Variants in TAAR6 observed in about 807,000 individuals in gnomAD.
TAAR6 encodes the protein trace amine-associated receptor 6.
In TAAR6, 15 loss-of-function variants were observed where a neutral mutation model predicts 18.4. That is an observed-to-expected ratio of 0.82 (90% confidence interval 0.55 to 1.26). The LOEUF is 1.26. Among genes scored for constraint, TAAR6 ranks in the 50% most tolerant of loss-of-function variants. The pLI, the probability that TAAR6 is intolerant of heterozygous loss-of-function variation, is 0.00. For missense variants in TAAR6, 501 were observed against 415.9 expected (o/e 1.20, Z -1.78); for synonymous variants, 192 against 162.4 (o/e 1.18, Z -1.39).
chr6:132,570,772 A>G lies in TAAR6; in HGVS notation c.451A>G (p.Ile151Val). 1 of 1,614,014 alleles carries G rather than the reference A, an allele frequency of 6.2e-7. No homozygotes were observed. Among genetic ancestry groups the G allele is most frequent in the Non-Finnish European group, 8.5e-7 (1 of 1,179,968 alleles). ...PTKFTVSVSGICISVSWILPL... is the reference protein window; with the variant it reads ...PTKFTVSVSGVCISVSWILPL... ...CAAGTTCACCGTATCTGTGTCAGGA[A>G]TTTGCATCAGCGTGTCCTGGATCCT... The change falls in exon 1 of 1, where the codon ATT becomes GTT. Residue 151 changes from isoleucine (I) to valine (V), a missense_variant. Transcript: ENST00000275198.
In TAAR6 at chr6:132,570,579, G is replaced by A. The variant is rs754337692; in HGVS notation, c.258G>A (p.Met86Ile). 5.6e-6 allele frequency: 9 copies of A among 1,614,000 alleles called. No homozygotes were observed. The highest frequency in any genetic ancestry group is 1.1e-5 in the South Asian group (1 of 91,068). Residue 86 changes from methionine (M) to isoleucine (I), a missense_variant, in exon 1 of 1, where the codon ATG becomes ATA. Physicochemically the swap from Met to Ile is conservative, Grantham distance 10. Coordinates refer to ENST00000275198, the MANE Select transcript of TAAR6 (RefSeq NM_175067.1). ...CADFLVGVTVMPFSMVRTVES... is the reference protein window; with the variant it reads ...CADFLVGVTVIPFSMVRTVES... ...ATTTCTTGGTGGGTGTGACTGTGAT[G>A]CCCTTCAGCATGGTCAGGACGGTGG...
rs368515342 is a variant in TAAR6 at position 132,570,524 on chromosome 6, A to G, written c.203A>G (p.Asn68Ser). Residue 68 changes from asparagine (N) to serine (S), a missense_variant, in exon 1 of 1, where the codon AAT (asparagine) becomes AGT (serine). By Grantham distance (46) the Asn-to-Ser change is conservative (BLOSUM62 1). Coordinates refer to ENST00000275198, the MANE Select transcript of TAAR6 (RefSeq NM_175067.1). Reference protein sequence around the residue: ...LHFKQLHSPTNFLVASLACAD... With the variant: ...LHFKQLHSPTSFLVASLACAD... ...TTCAAGCAGCTGCACTCTCCGACCA[A>G]TTTTCTCGTTGCCTCTCTGGCCTGC... The G allele has an allele frequency of 3.6e-5, 58 of 1,611,508 alleles. No homozygotes were observed. The African/African-American group carries it at 7.3e-4, about 20-fold the overall frequency.
At position 132,570,695 on chromosome 6, in the gene TAAR6, T is replaced by G; in HGVS notation, c.374T>G (p.Phe125Cys). The G allele has an allele frequency of 6.2e-7, 1 of 1,614,142 alleles. No homozygotes were observed. The highest frequency in any genetic ancestry group is 8.5e-7 in the Non-Finnish European group (1 of 1,179,984). Residue 125 changes from phenylalanine to cysteine, a missense_variant, in exon 1 of 1, where the codon TTC (phenylalanine) becomes TGC (cysteine). Phe to Cys is a radical substitution (Grantham distance 205, BLOSUM62 -2). Transcript: ENST00000275198. ...FCYSSLFHLC[F>C]ISIDRYIAVT... ...TACTCTTCTCTCTTTCACTTGTGCT[T>G]CATCTCCATCGACAGGTACATTGCG...
Position 132,570,989 on chromosome 6 carries a change from T to C in TAAR6, c.668T>C (p.Val223Ala), listed in dbSNP as rs1776637238. 1.9e-6 allele frequency: 3 copies of C among 1,614,094 alleles called. No homozygotes were observed. The highest frequency in any genetic ancestry group is 2.5e-6 in the Non-Finnish European group (3 of 1,179,990). The change falls in exon 1 of 1, where the codon GTG becomes GCG. Residue 223 changes from valine (V) to alanine (A), a missense_variant. By Grantham distance (64) the Val-to-Ala change is moderately conservative (BLOSUM62 0). Transcript: ENST00000275198. Reference protein sequence around the residue: ...MIILYGNIFLVARRQAKKIEN... With the variant: ...MIILYGNIFLAARRQAKKIEN... ...ATTCTGTATGGTAACATATTTCTTG[T>C]GGCTAGACGACAGGCGAAAAAGATA...
At position 132,570,993 on chromosome 6, in the gene TAAR6, T is replaced by C. The variant is rs754652551; in HGVS notation, c.672T>C (p.Ala224=). The change falls in exon 1 of 1, where the codon GCT becomes GCC. Residue 224 remains alanine, a synonymous_variant. Coordinates refer to ENST00000275198, the MANE Select transcript of TAAR6 (RefSeq NM_175067.1). ...TGTATGGTAACATATTTCTTGTGGC[T>C]AGACGACAGGCGAAAAAGATAGAAA... ...IILYGNIFLV[A]RRQAKKIENT... is the part of the protein sequence containing the mutation. 2.5e-6 allele frequency: 4 copies of C among 1,614,078 alleles called. No homozygotes were observed. Among genetic ancestry groups the C allele is most frequent in the African/African-American group, 2.7e-5 (2 of 75,028 alleles).
At position 132,570,757 on chromosome 6, in the gene TAAR6, G is replaced by A. The variant is rs201724538; in HGVS notation, c.436G>A (p.Val146Ile). The A allele has an allele frequency of 1.8e-5, 29 of 1,614,096 alleles. 2 individuals carry two copies. The highest frequency in any genetic ancestry group is 3.3e-4 in the Middle Eastern group (2 of 6,062). Residue 146 changes from valine (V) to isoleucine (I), a missense_variant, in exon 1 of 1, where the codon GTA (valine) becomes ATA (isoleucine). By Grantham distance (29) the Val-to-Ile change is conservative. Coordinates refer to ENST00000275198, the MANE Select transcript of TAAR6 (RefSeq NM_175067.1). ...DPLVYPTKFT[V>I]SVSGICISVS... The stretch of plus-strand genomic sequence containing the variant: ...CCTGGTCTATCCTACCAAGTTCACC[G>A]TATCTGTGTCAGGAATTTGCATCAG...
In TAAR6 at chr6:132,570,517, C is replaced by T. The variant is rs777917946; in HGVS notation, c.196C>T (p.Pro66Ser). Residue 66 changes from proline to serine, a missense_variant, in exon 1 of 1, where the codon CCG becomes TCG. Physicochemically the swap from Pro to Ser is moderately conservative, Grantham distance 74. Coordinates refer to ENST00000275198, the MANE Select transcript of TAAR6 (RefSeq NM_175067.1). ...CCTCCATTTCAAGCAGCTGCACTCT[C>T]CGACCAATTTTCTCGTTGCCTCTCT... ...SILHFKQLHS[P>S]TNFLVASLAC... 6.2e-7 allele frequency: 1 copy of T among 1,613,940 alleles called. No homozygotes were observed. The highest frequency in any genetic ancestry group is 1.1e-5 in the South Asian group (1 of 91,058).
Position 132,570,927 on chromosome 6 carries a change from T to C in TAAR6, c.606T>C (p.Asp202=). ...TAAATCAAAACTGGGTGTTGACAGATTTTCTATCCTTCTTTATACCTACCT... is the reference window on the plus strand; with the variant it reads ...TAAATCAAAACTGGGTGTTGACAGACTTTCTATCCTTCTTTATACCTACCT... ...TVVNQNWVLT[D]FLSFFIPTFI... Residue 202 remains aspartate, a synonymous_variant, in exon 1 of 1, where the codon GAT becomes GAC. Transcript: ENST00000275198. 6.2e-7 allele frequency: 1 copy of C among 1,614,148 alleles called. No homozygotes were observed. The highest frequency in any genetic ancestry group is 1.1e-5 in the South Asian group (1 of 91,078).
At position 132,570,497 on chromosome 6, in the gene TAAR6, A is replaced by T. The variant is rs200229210; in HGVS notation, c.176A>T (p.His59Leu). 2.5e-6 allele frequency: 4 copies of T among 1,613,076 alleles called. No homozygotes were observed. The African/African-American group carries it at 5.4e-5, about 22-fold the overall frequency. ...CTCCTGGTGATGATTTCAATCCTCCATTTCAAGCAGCTGCACTCTCCGACC... is the reference window on the plus strand; with the variant it reads ...CTCCTGGTGATGATTTCAATCCTCCTTTTCAAGCAGCTGCACTCTCCGACC... Reference protein sequence around the residue: ...GNLLVMISILHFKQLHSPTNF... With the variant: ...GNLLVMISILLFKQLHSPTNF... Residue 59 changes from histidine (H) to leucine (L), a missense_variant, in exon 1 of 1, where the codon CAT (histidine) becomes CTT (leucine). Coordinates refer to ENST00000275198, the MANE Select transcript of TAAR6 (RefSeq NM_175067.1).
At position 132,570,875 on chromosome 6, in the gene TAAR6, A is replaced by T. The variant is rs770984635; in HGVS notation, c.554A>T (p.Asn185Ile). 1 of 1,614,078 alleles carries T rather than the reference A, an allele frequency of 6.2e-7. No homozygotes were observed. The highest frequency in any genetic ancestry group is 1.1e-5 in the South Asian group (1 of 91,078). The change falls in exon 1 of 1, where the codon AAC becomes ATC. Residue 185 changes from asparagine to isoleucine, a missense_variant. Coordinates refer to ENST00000275198, the MANE Select transcript of TAAR6 (RefSeq NM_175067.1). ...CTGGAGGAATTATCTGATGCCCTAA[A>T]CTGTATAGGAGGTTGTCAGACCGTT... Reference protein sequence around the residue: ...DGLEELSDALNCIGGCQTVVN... With the variant: ...DGLEELSDALICIGGCQTVVN...
chr6:132,571,057 A>T lies in TAAR6; in HGVS notation c.736A>T (p.Lys246Ter). 2 of 1,614,116 alleles carry T rather than the reference A, an allele frequency of 1.2e-6. No homozygotes were observed. Among genetic ancestry groups the T allele is most frequent in the Non-Finnish European group, 1.7e-6 (2 of 1,179,996 alleles). Residue 246 changes from lysine (K) to a stop codon, truncating the protein, a stop_gained, in exon 1 of 1, where the codon AAA (lysine) becomes TAA (stop). Transcript: ENST00000275198. LOFTEE classifies it high-confidence loss of function. ...SKTESSSESY[K>*]ARVARRERKA... ...GACAGAATCATCCTCAGAGAGTTACAAAGCCAGAGTGGCCAGGAGAGAGAG... is the reference window on the plus strand; with the variant it reads ...GACAGAATCATCCTCAGAGAGTTACTAAGCCAGAGTGGCCAGGAGAGAGAG...
Position 132,570,875 on chromosome 6 carries a change from A to G in TAAR6, c.554A>G (p.Asn185Ser), listed in dbSNP as rs770984635. The change falls in exon 1 of 1, where the codon AAC (asparagine) becomes AGC (serine). Residue 185 changes from asparagine (N) to serine (S), a missense_variant. Transcript: ENST00000275198. ...CTGGAGGAATTATCTGATGCCCTAA[A>G]CTGTATAGGAGGTTGTCAGACCGTT... ...DGLEELSDAL[N>S]CIGGCQTVVN... 4 of 1,613,960 alleles carry G rather than the reference A, an allele frequency of 2.5e-6. No individual in the cohort carries two copies. The African/African-American group carries it at 5.3e-5, about 22-fold the overall frequency.
Position 132,570,386 on chromosome 6 carries a change from G to T in TAAR6, c.65G>T (p.Cys22Phe). 6.2e-7 allele frequency: 1 copy of T among 1,614,044 alleles called. No homozygotes were observed. The highest frequency in any genetic ancestry group is 1.1e-5 in the South Asian group (1 of 91,082). ...TGCTACGCGAACGTGAATGGGTCCTGTGTGAAAATCCCCTTCTCGCCGGGA... is the reference window on the plus strand; with the variant it reads ...TGCTACGCGAACGTGAATGGGTCCTTTGTGAAAATCCCCTTCTCGCCGGGA... ...QLCYANVNGSCVKIPFSPGSR... is the reference protein window; with the variant it reads ...QLCYANVNGSFVKIPFSPGSR... Residue 22 changes from cysteine (C) to phenylalanine (F), a missense_variant, in exon 1 of 1, where the codon TGT becomes TTT. Coordinates refer to ENST00000275198, the MANE Select transcript of TAAR6 (RefSeq NM_175067.1).
Position 132,570,870 on chromosome 6 carries a change from C to T in TAAR6, c.549C>T (p.Ala183=). 6.2e-7 allele frequency: 1 copy of T among 1,614,002 alleles called. No homozygotes were observed. The highest frequency in any genetic ancestry group is 8.5e-7 in the Non-Finnish European group (1 of 1,179,974). Residue 183 remains alanine, a synonymous_variant, in exon 1 of 1, where the codon GCC becomes GCT. Coordinates refer to ENST00000275198, the MANE Select transcript of TAAR6 (RefSeq NM_175067.1). ...YDDGLEELSD[A]LNCIGGCQTV... ...ATGGGCTGGAGGAATTATCTGATGCCCTAAACTGTATAGGAGGTTGTCAGA... is the reference window on the plus strand; with the variant it reads ...ATGGGCTGGAGGAATTATCTGATGCTCTAAACTGTATAGGAGGTTGTCAGA...
Position 132,571,353 on chromosome 6 carries a change from T to C in TAAR6, c.1032T>C (p.His344=). Reference sequence around the variant, plus strand: ...CAACCATGAATTTGTTTTCTGAACATATATAAGCAGTTGTATAGACGAAGT... The same window carrying C: ...CAACCATGAATTTGTTTTCTGAACACATATAAGCAGTTGTATAGACGAAGT... ...SSATMNLFSE[H]I is the part of the protein sequence containing the mutation. The change falls in exon 1 of 1, where the codon CAT becomes CAC. Residue 344 remains histidine, a synonymous_variant. Coordinates refer to ENST00000275198, the MANE Select transcript of TAAR6 (RefSeq NM_175067.1). 1.2e-6 allele frequency: 2 copies of C among 1,603,416 alleles called. No individual in the cohort carries two copies. Among genetic ancestry groups the C allele is most frequent in the Middle Eastern group, 1.7e-4 (1 of 5,926 alleles).
At position 132,570,579 on chromosome 6, in the gene TAAR6, G is replaced by T. The variant is rs754337692; in HGVS notation, c.258G>T (p.Met86Ile). 5 of 1,614,000 alleles carry T rather than the reference G, an allele frequency of 3.1e-6. No individual in the cohort carries two copies. The highest frequency in any genetic ancestry group is 4.2e-6 in the Non-Finnish European group (5 of 1,180,012). ...ATTTCTTGGTGGGTGTGACTGTGATGCCCTTCAGCATGGTCAGGACGGTGG... is the reference window on the plus strand; with the variant it reads ...ATTTCTTGGTGGGTGTGACTGTGATTCCCTTCAGCATGGTCAGGACGGTGG... ...CADFLVGVTV[M>I]PFSMVRTVES... The change falls in exon 1 of 1, where the codon ATG becomes ATT. Residue 86 changes from methionine (M) to isoleucine (I), a missense_variant. By Grantham distance (10) the Met-to-Ile change is conservative. Transcript: ENST00000275198.
rs1776642125 is a variant in TAAR6, at chr6:132,571,237, A to G, written c.916A>G (p.Met306Val). 1.2e-6 allele frequency: 2 copies of G among 1,614,018 alleles called. No homozygotes were observed. Among genetic ancestry groups the G allele is most frequent in the Admixed American group, 1.7e-5 (1 of 60,000 alleles). Residue 306 changes from methionine to valine, a missense_variant, in exon 1 of 1, where the codon ATG (methionine) becomes GTG (valine). Coordinates refer to ENST00000275198, the MANE Select transcript of TAAR6 (RefSeq NM_175067.1). ...TTGGTGTGCTTATTATAACTCAGCC[A>G]TGAATCCTTTGATTTATGCTTTATT... is the stretch of plus-strand genomic sequence containing the variant. ...CCWCAYYNSAMNPLIYALFYP... is the reference protein window; with the variant it reads ...CCWCAYYNSAVNPLIYALFYP...
chr6:132,570,604 G>A lies in TAAR6; in HGVS notation c.283G>A (p.Glu95Lys). Reference sequence around the variant, plus strand: ...GCCCTTCAGCATGGTCAGGACGGTGGAGAGCTGCTGGTATTTTGGGAGGAG... The same window carrying A: ...GCCCTTCAGCATGGTCAGGACGGTGAAGAGCTGCTGGTATTTTGGGAGGAG... ...VMPFSMVRTV[E>K]SCWYFGRSFC... The change falls in exon 1 of 1, where the codon GAG becomes AAG. Residue 95 changes from glutamate (E) to lysine (K), a missense_variant. Physicochemically the swap from Glu to Lys is moderately conservative, Grantham distance 56. Coordinates refer to ENST00000275198, the MANE Select transcript of TAAR6 (RefSeq NM_175067.1). 1.9e-6 allele frequency: 3 copies of A among 1,614,114 alleles called. No homozygotes were observed. Among genetic ancestry groups the A allele is most frequent in the Non-Finnish European group, 2.5e-6 (3 of 1,180,004 alleles).
rs766857285 is a variant in TAAR6, at chr6:132,571,226, A to G, written c.905A>G (p.Tyr302Cys). Reference sequence around the variant, plus strand: ...GAGATTTGCTGTTGGTGTGCTTATTATAACTCAGCCATGAATCCTTTGATT... The same window carrying G: ...GAGATTTGCTGTTGGTGTGCTTATTGTAACTCAGCCATGAATCCTTTGATT... The part of the protein sequence containing the change: ...IYEICCWCAY[Y>C]NSAMNPLIYA... Residue 302 changes from tyrosine (Y) to cysteine (C), a missense_variant, in exon 1 of 1, where the codon TAT (tyrosine) becomes TGT (cysteine). By Grantham distance (194) the Tyr-to-Cys change is radical. Coordinates refer to ENST00000275198, the MANE Select transcript of TAAR6 (RefSeq NM_175067.1). The G allele has an allele frequency of 1.2e-6, 2 of 1,614,100 alleles. No homozygotes were observed. The highest frequency in any genetic ancestry group is 2.2e-5 in the South Asian group (2 of 91,082).
Sources: allele counts gnomAD v4.1 joint callset, GRCh38; gene constraint gnomAD v4.1.1; transcripts MANE v1.5; gene names NCBI Gene and HGNC (gene_info 2026-07-23, HGNC 2026-07-21).